ALDH3B2: variants seen among roughly 807,000 people sequenced by gnomAD.
The protein encoded by ALDH3B2 is aldehyde dehydrogenase family 3 member B2.
ALDH3B2 carries 45 observed loss-of-function variants against 36.7 expected under a neutral mutation model. That is an observed-to-expected ratio of 1.23 (90% CI 0.97 to 1.57). ALDH3B2 has a LOEUF of 1.57. ALDH3B2 is among the 40% of genes most tolerant of loss of function. The pLI, the probability that ALDH3B2 is intolerant of heterozygous loss-of-function variation, is 0.00. For synonymous variants in ALDH3B2, 217 were observed against 226.5 expected, an observed-to-expected ratio of 0.96 and a Z score of 0.38; for missense variants, 464 against 513.3, an observed-to-expected ratio of 0.90 and a Z score of 0.93.
Position 67,680,366 on chromosome 11 carries a change from CT to C in ALDH3B2, c.-245+809del, listed in dbSNP as rs144179024. ...TTTCTTCATATTTTCAGTTGGTGCC[CT>C]GATGGAATAGATTCCTTTGTCTGTT... On this transcript the variant is annotated intron_variant, in intron 1 of 9. Coordinates refer to the ALDH3B2 transcript ENST00000530069. Among the ~76,000 whole-genome samples the C allele has an allele frequency of 8.5e-3, 1,296 of 152,234 alleles. 12 individuals are homozygous for C. Among genetic ancestry groups the C allele is most frequent in the Non-Finnish European group, 0.012 (784 of 68,008 alleles).
Position 67,666,116 on chromosome 11 carries a change from C to A in ALDH3B2, c.319+6G>T, listed in dbSNP as rs376395180. On this transcript the variant is annotated splice_donor_region_variant and intron_variant, in intron 6 of 9. Transcript: ENST00000349015. Reference sequence around the variant, plus strand: ...CTACTCTGGGACCCTGGCCTGGCCCCCTCACCTGTGAAGAAGATGTAGTCC... The same window carrying A: ...CTACTCTGGGACCCTGGCCTGGCCCACTCACCTGTGAAGAAGATGTAGTCC... The A allele has an allele frequency of 1.2e-6, 2 of 1,614,106 alleles. No homozygotes were observed. Among genetic ancestry groups the A allele is most frequent in the Non-Finnish European group, 1.7e-6 (2 of 1,179,988 alleles).
At chr11:67,663,830 C>A in intron 8 of ALDH3B2, 69 bp from the exon 9 acceptor site, 1 of 1,383,898 alleles carries the variant, frequency 7.2e-7, no homozygotes, top group Admixed American at 2.1e-5. Flanking sequence ...CCGCACATTC[C>A]ACAGCGGAGG....
upstream of ALDH3B2, among the ~76,000 whole-genome samples, chr11:67,679,414 T>C (rs1272428697): frequency 6.6e-6 from 1 of 151,062 alleles, no homozygotes; most frequent in Admixed American, 6.6e-5. Context: ...GAGGTTGCAG[T>C]GAGCTGAGAT....
At chr11:67,663,337 T>G (rs1255457550) in exon 10 of ALDH3B2, 1 of 1,613,946 alleles carries the variant, frequency 6.2e-7, no homozygotes, top group South Asian at 1.1e-5. Context: ...AGCAGGCAGG[T>G]GCGGTGGTGG....
At chr11:67,667,046 A>G (rs891114510) in intron 2 of ALDH3B2, 30 bp from the exon 3 acceptor site, 2 of 1,397,774 alleles carry the variant, frequency 1.4e-6, no homozygotes, top group South Asian at 1.2e-5. Context: ...CAGAGTGGTC[A>G]GGCCCAGACC....
chr11:67,677,608 A>G (rs141075977), upstream of ALDH3B2, among the ~76,000 whole-genome samples: 37 of 152,268 alleles, frequency 2.4e-4, no homozygotes, highest in African/African-American at 8.7e-4. Flanking sequence ...AGCCAGAGCA[A>G]TCAGATGAGA....
intron 8 of ALDH3B2, 35 bp downstream of exon 8, chr11:67,664,361 C>T (rs1591140933): frequency 6.2e-7 from 1 of 1,612,948 alleles, no homozygotes; most frequent in Non-Finnish European, 8.5e-7. Context: ...CCCCTTTCAG[C>T]CCCTCCATTG....
rs780382602 is a variant in ALDH3B2, at chr11:67,663,769, G to A, written c.874-8C>T. On this transcript the variant is annotated splice_polypyrimidine_tract_variant and splice_region_variant and intron_variant, in intron 8 of 9. Transcript: ENST00000349015. ...CAGCATCTGGTTCACAACCTGCCAG[G>A]GAGTGAGAAGGTGGGTGTTGGGCTC... 9 of 1,606,926 alleles carry A rather than the reference G, an allele frequency of 5.6e-6. No homozygotes were observed. The highest frequency in any genetic ancestry group is 1.3e-5 in the African/African-American group (1 of 74,788).
At chr11:67,679,008 C>T (rs774835602), upstream of ALDH3B2, among the ~76,000 whole-genome samples, 2 of 151,996 alleles carry the variant, frequency 1.3e-5, no homozygotes, top group Non-Finnish European at 2.9e-5. Flanking sequence ...ATACAATGGA[C>T]TTTGGGGACT....
chr11:67,680,933 G>T (rs1487904088), intron 1 of ALDH3B2, among the ~76,000 whole-genome samples: 1 of 152,274 alleles, frequency 6.6e-6, no homozygotes, highest in East Asian at 1.9e-4. Flanking sequence ...ACGTGACATT[G>T]TAAGGGCAGG....
exon 10 of ALDH3B2, chr11:67,663,200 A>G: frequency 6.3e-7 from 1 of 1,590,662 alleles, no homozygotes; most frequent in East Asian, 2.2e-5. Context: ...GACCCGTTGG[A>G]GGCGGGTGGG....
At chr11:67,673,638 G>T in intron 1 of ALDH3B2, 1 of 152,476 alleles carries the variant, frequency 6.6e-6, no homozygotes, top group Non-Finnish European at 1.5e-5. Context: ...CAGTGGCCAT[G>T]CCTGGTGCAG....
exon 7 of ALDH3B2, chr11:67,665,505 G>C: frequency 6.2e-7 from 1 of 1,614,066 alleles, no homozygotes; most frequent in Non-Finnish European, 8.5e-7. Flanking sequence ...GGGCCACGCA[G>C]GTCTGGCCGG....
At chr11:67,680,143 A>G (rs1184672806) in intron 1 of ALDH3B2, among the ~76,000 whole-genome samples, 1 of 151,990 alleles carries the variant, frequency 6.6e-6, no homozygotes, top group African/African-American at 2.4e-5. Flanking sequence ...ATGAAACCCC[A>G]TCTCTACTAA....
intron 1 of ALDH3B2, 181 bp from the exon 2 acceptor site, chr11:67,667,816 C>A (rs796786330): frequency 6.0e-4 from 103 of 173,024 alleles, no homozygotes; most frequent in African/African-American, 2.2e-3. Flanking sequence ...GCTGCCTGCA[C>A]CACCCCCAAC....
chr11:67,678,848 A>C (rs1315258277), upstream of ALDH3B2, among the ~76,000 whole-genome samples: 1 of 151,920 alleles, frequency 6.6e-6, no homozygotes, highest in Non-Finnish European at 1.5e-5. Context: ...CTCAGCTATA[A>C]AAAGAAATGA....
chr11:67,663,168 C>G, exon 10 of ALDH3B2: 1 of 1,554,020 alleles, frequency 6.4e-7, no homozygotes, highest in African/African-American at 1.4e-5. Flanking sequence ...CCCCTCATGG[C>G]TAGACTCAGG....
intron 1 of ALDH3B2, among the ~76,000 whole-genome samples, chr11:67,680,668 C>T (rs143040762): frequency 2.0e-5 from 3 of 152,284 alleles, no homozygotes; most frequent in South Asian, 2.1e-4. Flanking sequence ...CCACCTGCCT[C>T]GGCTTCCCAA....
At chr11:67,663,063 C>T (rs1232759236) in exon 10 of ALDH3B2, 1 of 982,678 alleles carries the variant, frequency 1.0e-6, no homozygotes. Context: ...TGCTTTGCAG[C>T]CCTGGCAGGC....
Sources: allele counts gnomAD v4.1 joint callset (sites outside exome capture counted in the v4.1 genomes callset), GRCh38; gene constraint gnomAD v4.1.1; transcripts MANE v1.5; gene names NCBI Gene and HGNC (gene_info 2026-07-23, HGNC 2026-07-21).